The following PDLIM5 variants were observed in gnomAD, a reference collection of about 807,000 sequenced individuals.
PDLIM5 encodes PDZ and LIM domain protein 5.
In PDLIM5, 34 loss-of-function variants were observed where a neutral mutation model predicts 64.2. The observed-to-expected ratio is 0.53, with a 90% confidence interval of 0.40 to 0.71. PDLIM5 has a LOEUF of 0.71. Ranked by LOEUF, PDLIM5 falls within the 30% of genes least tolerant of loss-of-function variation. PDLIM5 has a pLI of 0.00. For synonymous variants in PDLIM5, 253 were observed against 269.1 expected (o/e 0.94, Z 0.59); for missense variants, 683 against 733.6 (o/e 0.93, Z 0.80).
chr4:94,577,750 A>G (rs568293739), intron 5 of PDLIM5, among the ~76,000 whole-genome samples: 1 of 152,224 alleles, frequency 6.6e-6, no homozygotes, highest in South Asian at 2.1e-4. Context: ...GTAGAAAAAC[A>G]TCCATTGAAG....
At chr4:94,607,052 T>C (rs1333203841) in intron 7 of PDLIM5, among the ~76,000 whole-genome samples, 3 of 152,250 alleles carry the variant, frequency 2.0e-5, no homozygotes, top group East Asian at 1.9e-4. Flanking sequence ...ATGGTTCTTA[T>C]ATTTCTTAGT....
chr4:94,472,172 A>G (rs544776713), intron 2 of PDLIM5, among the ~76,000 whole-genome samples: 12 of 152,206 alleles, frequency 7.9e-5, no homozygotes, highest in Admixed American at 6.5e-4. Context: ...GCGCACACAC[A>G]CACACGCACA....
chr4:94,575,981 G>A lies in PDLIM5; in HGVS notation c.657G>A (p.Glu219=), dbSNP rs1560714632. ...VTSVCSETSQ[E]LAEGQRRGSQ... is the part of the protein sequence containing the mutation. ...GCGTGTGTTCCGAGACTTCTCAGGA[G>A]CTAGCAGAGGGACAGAGAAGAGGAT... is the stretch of plus-strand genomic sequence containing the variant. Residue 219 remains glutamate, a synonymous_variant, in exon 5 of 13, where the codon GAG becomes GAA. Coordinates refer to ENST00000317968, the MANE Select transcript of PDLIM5 (RefSeq NM_006457.5). 1.2e-6 allele frequency: 2 copies of A among 1,614,162 alleles called. No individual in the cohort carries two copies. Among genetic ancestry groups the A allele is most frequent in the Non-Finnish European group, 1.7e-6 (2 of 1,180,006 alleles).
intron 3 of PDLIM5, among the ~76,000 whole-genome samples, chr4:94,561,483 G>C (rs1051999618): frequency 1.3e-5 from 2 of 152,230 alleles, no homozygotes; most frequent in Non-Finnish European, 1.5e-5. Flanking sequence ...TTCGATGCTA[G>C]AGTTATATGC....
At chr4:94,542,855 T>C (rs796287240) in intron 3 of PDLIM5, among the ~76,000 whole-genome samples, 8 of 152,240 alleles carry the variant, frequency 5.3e-5, no homozygotes, top group African/African-American at 1.7e-4. Flanking sequence ...CAAAATTGTT[T>C]CCTAAAAACA....
At chr4:94,479,493 G>A (rs766828080) in intron 2 of PDLIM5, among the ~76,000 whole-genome samples, 5 of 150,526 alleles carry the variant, frequency 3.3e-5, no homozygotes, top group African/African-American at 4.9e-5. Context: ...ATGCCCGGCT[G>A]ATTTTTATTT....
rs10706955 is a variant in PDLIM5, at chr4:94,665,481, T to TAAAAA, written c.*1435_*1439dup. On this transcript the variant is annotated 3_prime_UTR_variant, in exon 13 of 13. Transcript: ENST00000317968. ...GGTGACAGAGCAAGACTCCGGCTCTTAAAAAAAAAAAAAAAAAAAAAAAAA... is the reference window on the plus strand; with the variant it reads ...GGTGACAGAGCAAGACTCCGGCTCTTAAAAAAAAAAAAAAAAAAAAAAAAAAAAAA... 6 of 449,618 alleles carry TAAAAA rather than the reference T, an allele frequency of 1.3e-5. No homozygotes were observed. Among genetic ancestry groups the TAAAAA allele is most frequent in the Non-Finnish European group, 1.3e-5 (5 of 382,382 alleles). 27.9% of individuals were successfully genotyped at this position (449,618 alleles called of 1,614,324 possible). A position where few individuals can be genotyped will look rare whatever the true frequency, so the allele number is the denominator to read the frequency against.
At chr4:94,657,242 G>T (rs143529473) in intron 10 of PDLIM5, among the ~76,000 whole-genome samples, 185 bp from the exon 11 acceptor site, 1 of 152,324 alleles carries the variant, frequency 6.6e-6, no homozygotes, top group African/African-American at 2.4e-5. Flanking sequence ...CATCCGTTTA[G>T]ATGATTTGTG....
chr4:94,607,016 C>T (rs1415235472), intron 7 of PDLIM5, among the ~76,000 whole-genome samples: 1 of 152,216 alleles, frequency 6.6e-6, no homozygotes. Context: ...ATTTGGCCAG[C>T]ATGCCGTGGT....
intron 2 of PDLIM5, among the ~76,000 whole-genome samples, chr4:94,498,255 T>G (rs1050479602): frequency 3.9e-5 from 6 of 152,346 alleles, no homozygotes; most frequent in African/African-American, 1.4e-4. Context: ...ATTGCAGAAG[T>G]CTTTCACCCA....
At chr4:94,536,915 G>A (rs1560686370) in intron 3 of PDLIM5, among the ~76,000 whole-genome samples, 1 of 152,288 alleles carries the variant, frequency 6.6e-6, no homozygotes, top group East Asian at 1.9e-4. Context: ...ACATGGGAGT[G>A]ATTGGCCATG....
At chr4:94,560,820 G>A (rs558444528) in intron 3 of PDLIM5, among the ~76,000 whole-genome samples, 4 of 152,052 alleles carry the variant, frequency 2.6e-5, no homozygotes, top group East Asian at 3.8e-4. Flanking sequence ...TCCACCTCCC[G>A]GGTTCACGCC....
chr4:94,551,781 T>G (rs905976457), intron 3 of PDLIM5, among the ~76,000 whole-genome samples: 1 of 152,052 alleles, frequency 6.6e-6, no homozygotes, highest in African/African-American at 2.4e-5. Flanking sequence ...ATATGACCCA[T>G]AAAGGAAAAA....
chr4:94,554,476 A>G (rs1187165383), intron 3 of PDLIM5, among the ~76,000 whole-genome samples: 1 of 152,164 alleles, frequency 6.6e-6, no homozygotes, highest in Non-Finnish European at 1.5e-5. Flanking sequence ...TCGTACGTAC[A>G]TACGTTCATA....
chr4:94,602,616 C>A (rs1448215632), intron 7 of PDLIM5, among the ~76,000 whole-genome samples: 1 of 152,076 alleles, frequency 6.6e-6, no homozygotes, highest in South Asian at 2.1e-4. Context: ...CCACACCCAG[C>A]TAATTTTTAT....
intron 2 of PDLIM5, among the ~76,000 whole-genome samples, chr4:94,468,401 G>A (rs1422592175): frequency 6.6e-6 from 1 of 152,096 alleles, no homozygotes; most frequent in Non-Finnish European, 1.5e-5. Flanking sequence ...TGATCCTCTG[G>A]GATTACAAGA....
chr4:94,557,392 G>C (rs1413584600), intron 3 of PDLIM5, among the ~76,000 whole-genome samples: 6 of 152,038 alleles, frequency 3.9e-5, no homozygotes, highest in Non-Finnish European at 8.8e-5. Context: ...AATGTGGGCT[G>C]TTTTTTGGCT....
At chr4:94,599,206 C>T (rs184124974) in intron 7 of PDLIM5, among the ~76,000 whole-genome samples, 1 of 152,176 alleles carries the variant, frequency 6.6e-6, no homozygotes, top group Non-Finnish European at 1.5e-5. Context: ...ATAATGGGAG[C>T]AGGAGACTGT....
chr4:94,516,966 C>G (rs1416086519), intron 2 of PDLIM5, among the ~76,000 whole-genome samples: 1 of 152,044 alleles, frequency 6.6e-6, no homozygotes, highest in Non-Finnish European at 1.5e-5. Flanking sequence ...CAGGACAGAA[C>G]AATGTTAAAT....
Sources: gnomAD v4.1 joint callset for allele counts (sites outside exome capture counted in the v4.1 genomes callset) on GRCh38, gnomAD v4.1.1 for gene constraint, MANE v1.5 for transcripts, NCBI Gene and HGNC (gene_info 2026-07-23, HGNC 2026-07-21) for gene names.